The following SYNE1 variants were observed in gnomAD, a reference collection of about 807,000 sequenced individuals.
The protein encoded by SYNE1 is nesprin-1.
Under a neutral mutation model 1,111.0 loss-of-function variants are expected in SYNE1, and 616 were observed. The ratio of observed to expected loss-of-function variants is 0.55; its 90% CI spans 0.52 to 0.59. SYNE1 has a LOEUF of 0.59. SYNE1 is among the 20% of genes least tolerant of loss of function. The probability of loss-of-function intolerance (pLI) is 0.00; values close to 1 mark genes in which losing one functional copy is unlikely to be tolerated. For synonymous variants in SYNE1, 3,855 were observed against 3,825.8 expected, an observed-to-expected ratio of 1.01 and a Z score of -0.28; for missense variants, 10,006 against 10,417.0, an observed-to-expected ratio of 0.96 and a Z score of 1.72.
rs2099448032 is a variant in SYNE1 at position 152,570,654 on chromosome 6, T to C, written c.68-30633A>G. Among the ~76,000 whole-genome samples, 3 of 152,168 alleles carry C rather than the reference T, an allele frequency of 2.0e-5. No homozygotes were observed. The South Asian group carries it at 6.2e-4, about 31-fold the overall frequency. On this transcript the variant is annotated intron_variant, in intron 3 of 145. Coordinates refer to ENST00000367255, the MANE Select transcript of SYNE1 (RefSeq NM_182961.4). ...CGGGATGGGTGGTGTGCTGCACCTATTCCCACCAGGAAGCGGGTCTTGCAG... is the reference window on the plus strand; with the variant it reads ...CGGGATGGGTGGTGTGCTGCACCTACTCCCACCAGGAAGCGGGTCTTGCAG...
At chr6:152,249,082 CATAGA>C (rs1442879773) in intron 105 of SYNE1, 74 bp downstream of exon 105, 1 of 1,013,182 alleles carries the variant, frequency 9.9e-7, no homozygotes, top group Non-Finnish European at 1.6e-6. Flanking sequence ...ATTAATCTTT[CATAGA>C]ATATTCAAAA....
intron 22 of SYNE1, chr6:152,456,828 G>T (rs752075057): frequency 5.5e-6 from 2 of 363,390 alleles, no homozygotes; most frequent in Admixed American, 3.3e-5. Context: ...ACTTCAAACT[G>T]CTCATTTGGA....
chr6:152,620,452 C>T (rs1328424779), intron 3 of SYNE1, among the ~76,000 whole-genome samples: 1 of 152,208 alleles, frequency 6.6e-6, no homozygotes, highest in Non-Finnish European at 1.5e-5. Context: ...ATATACTCAA[C>T]TCCTTTCCTG....
chr6:152,509,712 A>G (rs955712742), intron 8 of SYNE1, among the ~76,000 whole-genome samples: 1 of 152,180 alleles, frequency 6.6e-6, no homozygotes, highest in Non-Finnish European at 1.5e-5. Flanking sequence ...ATGAGACCAA[A>G]GGGAAAAAAT....
chr6:152,298,798 CAT>C (rs2095022937), intron 93 of SYNE1, among the ~76,000 whole-genome samples: 1 of 152,122 alleles, frequency 6.6e-6, no homozygotes, highest in Non-Finnish European at 1.5e-5. Flanking sequence ...ACAAAAATAA[CAT>C]GTGGCCGTAA....
At chr6:152,282,027 C>A in intron 96 of SYNE1, 47 bp from the exon 97 acceptor site, 5 of 1,592,052 alleles carry the variant, frequency 3.1e-6, no homozygotes, top group Non-Finnish European at 4.3e-6. Flanking sequence ...AAGGTAAAAT[C>A]TTGAGAATTT....
rs141308394 is a variant in SYNE1 at position 152,576,201 on chromosome 6, A to C, written c.68-36180T>G. ...TGCATTCACATTCTGTATCTATAGGATATAAATAAAATCAATAGAACTTGC... is the reference window on the plus strand; with the variant it reads ...TGCATTCACATTCTGTATCTATAGGCTATAAATAAAATCAATAGAACTTGC... On this transcript the variant is annotated intron_variant, in intron 3 of 145. Transcript: ENST00000367255. 8.1e-3 allele frequency among the ~76,000 whole-genome samples: 1,227 copies of C among 152,316 alleles called. 12 individuals carry two copies. Among genetic ancestry groups the C allele is most frequent in the African/African-American group, 0.026 (1,093 of 41,576 alleles).
chr6:152,167,478 A>T (rs1401284814), intron 130 of SYNE1, among the ~76,000 whole-genome samples: 1 of 152,186 alleles, frequency 6.6e-6, no homozygotes, highest in Non-Finnish European at 1.5e-5. Flanking sequence ...AATTCCTGTC[A>T]TATTTTTATT....
In SYNE1 at chr6:152,471,600, G is replaced by A. The variant is rs558981235; in HGVS notation, c.1629C>T (p.Tyr543=). 6 of 1,613,762 alleles carry A rather than the reference G, an allele frequency of 3.7e-6. No homozygotes were observed. In the East Asian group the frequency reaches 1.3e-4, roughly 36 times the overall value. The change falls in exon 16 of 146, where the codon TAC becomes TAT. Residue 543 remains tyrosine (Y), a synonymous_variant. Coordinates refer to ENST00000367255, the MANE Select transcript of SYNE1 (RefSeq NM_182961.4). ...TGTCAAAGCACGGGGGACTCACCAC[G>A]TAGTTTTGTAGAAGCTGCTCCACTG... ...RESVEQLLQN[Y]VSFIENSKFF...
At chr6:152,403,449 A>C (rs2097850614) in intron 46 of SYNE1, among the ~76,000 whole-genome samples, 2 of 152,198 alleles carry the variant, frequency 1.3e-5, no homozygotes, top group Non-Finnish European at 2.9e-5. Flanking sequence ...GGCTGGGCGC[A>C]GTGGCTCACA....
At chr6:152,182,840 T>G (rs1050122542) in intron 128 of SYNE1, among the ~76,000 whole-genome samples, 15 of 152,220 alleles carry the variant, frequency 9.9e-5, no homozygotes, top group African/African-American at 3.6e-4. Flanking sequence ...AAATTTATTC[T>G]TTTGATTCAA....
At chr6:152,398,358 G>A (rs2097766930) in intron 49 of SYNE1, among the ~76,000 whole-genome samples, 1 of 152,018 alleles carries the variant, frequency 6.6e-6, no homozygotes. Context: ...TTAAAACTAG[G>A]TTTAGTTTAG....
rs372451128 is a variant in SYNE1 at position 152,488,415 on chromosome 6, T to C, written c.1028A>G (p.Asn343Ser). 8.5e-5 allele frequency: 137 copies of C among 1,603,240 alleles called. No homozygotes were observed. Among genetic ancestry groups the C allele is most frequent in the Non-Finnish European group, 1.1e-4 (124 of 1,171,784 alleles). The change falls in exon 12 of 146, where the codon AAT (asparagine) becomes AGT (serine). Residue 343 changes from asparagine (N) to serine (S), a missense_variant. Asn to Ser is a conservative substitution (Grantham distance 46). Transcript: ENST00000367255. ...DLTRAQMVES[N>S]LQDKYQSFKH... ...CAATACCTGATATTTATCCTGTAAA[T>C]TTGATTCCACCATCTGTGCTCTTGT...
intron 11 of SYNE1, among the ~76,000 whole-genome samples, chr6:152,494,259 T>C (rs2154310336): frequency 1.3e-5 from 2 of 152,330 alleles, no homozygotes; most frequent in South Asian, 4.1e-4. Context: ...GCTCCCTAGC[T>C]CCTTCAACTG....
chr6:152,450,569 G>A (rs952398577), intron 27 of SYNE1, 56 bp downstream of exon 27: 15 of 1,401,926 alleles, frequency 1.1e-5, no homozygotes, highest in East Asian at 2.3e-5. Context: ...CATGATCTCC[G>A]AACTAACAGA....
intron 32 of SYNE1, among the ~76,000 whole-genome samples, chr6:152,437,545 A>T (rs1185483921): frequency 2.0e-5 from 3 of 152,190 alleles, no homozygotes; most frequent in African/African-American, 7.2e-5. Context: ...TAAATATTTT[A>T]AAATAGTTGA....
intron 5 of SYNE1, among the ~76,000 whole-genome samples, chr6:152,524,246 T>G (rs574191708): frequency 4.0e-4 from 61 of 152,294 alleles, no homozygotes; most frequent in African/African-American, 1.4e-3. Flanking sequence ...TTGTTGGGCT[T>G]TTTATCATTA....
chr6:152,493,191 C>T (rs962665296), intron 11 of SYNE1, among the ~76,000 whole-genome samples: 2 of 152,100 alleles, frequency 1.3e-5, no homozygotes, highest in African/African-American at 2.4e-5. Flanking sequence ...CCCTGCTCAA[C>T]ACCAGTATCC....
intron 59 of SYNE1, among the ~76,000 whole-genome samples, chr6:152,370,762 C>T (rs993708005): frequency 1.3e-5 from 2 of 152,154 alleles, no homozygotes; most frequent in Non-Finnish European, 2.9e-5. Flanking sequence ...TAAAGGTTAG[C>T]TGAAGAATCT....
Sources: gnomAD v4.1 joint callset for allele counts (sites outside exome capture counted in the v4.1 genomes callset) on GRCh38, gnomAD v4.1.1 for gene constraint, MANE v1.5 for transcripts, NCBI Gene and HGNC (gene_info 2026-07-23, HGNC 2026-07-21) for gene names.